The following ARHGAP28 variants were observed in gnomAD, a reference collection of about 807,000 sequenced individuals.
ARHGAP28 encodes the protein rho GTPase-activating protein 28.
Under a neutral mutation model 90.7 loss-of-function variants are expected in ARHGAP28, and 56 were observed. That is an observed-to-expected ratio of 0.62 (90% CI 0.50 to 0.77). The LOEUF is 0.77. Ranked by LOEUF, ARHGAP28 falls within the 30% of genes least tolerant of loss-of-function variation. The pLI, the probability that ARHGAP28 is intolerant of heterozygous loss-of-function variation, is 0.00. For synonymous variants in ARHGAP28, 308 were observed against 323.3 expected (o/e 0.95, Z 0.51); for missense variants, 869 against 900.9 (o/e 0.96, Z 0.45).
chr18:6,815,702 A>T (rs1268342245), intron 1 of ARHGAP28, among the ~76,000 whole-genome samples: 1 of 152,178 alleles, frequency 6.6e-6, no homozygotes, highest in Non-Finnish European at 1.5e-5. Context: ...CACATATATA[A>T]TTTATGTACA....
intron 16 of ARHGAP28, among the ~76,000 whole-genome samples, chr18:6,901,070 A>G (rs1216167537): frequency 2.0e-5 from 3 of 152,214 alleles, no homozygotes; most frequent in Non-Finnish European, 4.4e-5. Context: ...TGAGGGGGAA[A>G]TAAACATTCT....
chr18:6,827,437 G>A (rs1272876661), intron 2 of ARHGAP28, among the ~76,000 whole-genome samples: 15 of 132,406 alleles, frequency 1.1e-4, no homozygotes, highest in African/African-American at 3.2e-4. Flanking sequence ...CCTCCCTCCC[G>A]GACGGGGCGG....
chr18:6,777,796 G>T (rs1034283060), intron 1 of ARHGAP28, among the ~76,000 whole-genome samples: 13 of 152,178 alleles, frequency 8.5e-5, no homozygotes, highest in African/African-American at 3.1e-4. Flanking sequence ...CCCTCAGCCT[G>T]TAAGTGAGAA....
At chr18:6,811,518 A>G (rs1358440668) in intron 1 of ARHGAP28, among the ~76,000 whole-genome samples, 1 of 152,186 alleles carries the variant, frequency 6.6e-6, no homozygotes, top group Non-Finnish European at 1.5e-5. Context: ...TTATATGTCT[A>G]TTAAGTACAT....
At chr18:6,858,990 C>T (rs1357756706) in intron 4 of ARHGAP28, among the ~76,000 whole-genome samples, 1 of 151,952 alleles carries the variant, frequency 6.6e-6, no homozygotes, top group African/African-American at 2.4e-5. Context: ...CAATAAGTTT[C>T]CTTGCTAAAG....
intron 1 of ARHGAP28, chr18:6,789,922 G>A (rs1176799135): frequency 6.6e-6 from 1 of 151,666 alleles, no homozygotes; most frequent in African/African-American, 2.4e-5. Flanking sequence ...TTTCCTCCCA[G>A]GTTAAAGTGA....
intron 2 of ARHGAP28, among the ~76,000 whole-genome samples, chr18:6,827,621 G>T (rs2056680055): frequency 7.8e-6 from 1 of 127,504 alleles, no homozygotes; most frequent in Non-Finnish European, 1.7e-5. Context: ...AGACGGGGCG[G>T]CTGGCCGGCA....
chr18:6,766,662 C>T (rs1268396596), intron 1 of ARHGAP28, among the ~76,000 whole-genome samples: 10 of 152,172 alleles, frequency 6.6e-5, no homozygotes, highest in African/African-American at 1.7e-4. Context: ...ACTCTTCCTA[C>T]TCAAGTCTTT....
At chr18:6,894,602 T>C (rs62082857) in intron 14 of ARHGAP28, among the ~76,000 whole-genome samples, 344 of 152,362 alleles carry the variant, frequency 2.3e-3, no homozygotes, top group Admixed American at 5.7e-3. Flanking sequence ...TCTTTTGCTG[T>C]TACAATCTGT....
intron 1 of ARHGAP28, among the ~76,000 whole-genome samples, chr18:6,735,202 A>G (rs945416277): frequency 6.6e-6 from 1 of 152,258 alleles, no homozygotes; most frequent in East Asian, 1.9e-4. Context: ...AAAGTAGTCC[A>G]GAAAGTTTCT....
chr18:6,753,195 A>T (rs2056083684), intron 1 of ARHGAP28, among the ~76,000 whole-genome samples: 1 of 152,178 alleles, frequency 6.6e-6, no homozygotes, highest in South Asian at 2.1e-4. Flanking sequence ...TTAAGGGAAG[A>T]GTTGTTGAAA....
intron 3 of ARHGAP28, among the ~76,000 whole-genome samples, chr18:6,838,961 T>C (rs8099414): frequency 0.14 from 21,098 of 152,128 alleles, 1,576 homozygotes; most frequent in Non-Finnish European, 0.16. Context: ...ATTTTTGTAT[T>C]TTTCATCTGA....
chr18:6,879,760 T>C (rs1362420769), intron 10 of ARHGAP28, among the ~76,000 whole-genome samples: 2 of 152,250 alleles, frequency 1.3e-5, no homozygotes, highest in African/African-American at 4.8e-5. Context: ...TTGAGAGCTG[T>C]CAGCATGGCA....
chr18:6,740,771 A>G (rs917980851), intron 1 of ARHGAP28, among the ~76,000 whole-genome samples: 1 of 152,232 alleles, frequency 6.6e-6, no homozygotes, highest in African/African-American at 2.4e-5. Context: ...CATGAAGACC[A>G]GTCATGAGTA....
intron 1 of ARHGAP28, among the ~76,000 whole-genome samples, chr18:6,792,635 C>T (rs2056414578): frequency 6.6e-6 from 1 of 152,188 alleles, no homozygotes; most frequent in African/African-American, 2.4e-5. Context: ...AGCAAGTGTT[C>T]ACAGCATCAA....
intron 1 of ARHGAP28, among the ~76,000 whole-genome samples, chr18:6,752,440 C>T (rs72882592): frequency 3.3e-5 from 5 of 152,148 alleles, no homozygotes; most frequent in South Asian, 2.1e-4. Context: ...AGTCAATAAA[C>T]GTCTAGCGCT....
chr18:6,826,117 G>GTTTTTTTTTTTTTTTT (rs35995654), intron 2 of ARHGAP28, among the ~76,000 whole-genome samples: 1 of 138,506 alleles, frequency 7.2e-6, no homozygotes. Flanking sequence ...CATTGCCAGT[G>GTTTTTTTTTTTTTTTT]TTTTTTTTTT....
At chr18:6,877,976 A>ATG (rs146041143) in intron 10 of ARHGAP28, among the ~76,000 whole-genome samples, 7 of 150,578 alleles carry the variant, frequency 4.6e-5, no homozygotes, top group Admixed American at 1.3e-4. Flanking sequence ...GTGTATGTGC[A>ATG]TGTGTGTGTG....
At chr18:6,813,757 T>C (rs75398880) in intron 1 of ARHGAP28, among the ~76,000 whole-genome samples, 2,727 of 151,926 alleles carry the variant, frequency 0.018, 85 homozygotes, top group African/African-American at 0.063. Flanking sequence ...AAATTTGTAG[T>C]TCCATTTCTC....
Sources: allele counts gnomAD v4.1 joint callset (sites outside exome capture counted in the v4.1 genomes callset), GRCh38; gene constraint gnomAD v4.1.1; transcripts MANE v1.5; gene names NCBI Gene and HGNC (gene_info 2026-07-23, HGNC 2026-07-21).